Variants in RFX4 observed in about 807,000 individuals in gnomAD.
RFX4 encodes transcription factor RFX4.
RFX4 carries 10 observed loss-of-function variants against 95.0 expected under a neutral mutation model. The observed-to-expected ratio is 0.11, with a 90% CI of 0.06 to 0.18. The LOEUF (loss-of-function observed/expected upper bound fraction) is 0.18. RFX4 is among the 10% of genes least tolerant of loss of function. The pLI, the probability that RFX4 is intolerant of heterozygous loss-of-function variation, is 1.00. For missense variants in RFX4, 640 were observed against 922.0 expected (o/e 0.69, Z 3.96); for synonymous variants, 321 against 340.7 (o/e 0.94, Z 0.64).
At chr12:106,652,416 G>C in intron 3 of RFX4, among the ~76,000 whole-genome samples, 1 of 152,152 alleles carries the variant, frequency 6.6e-6, no homozygotes, top group Middle Eastern at 3.2e-3. Context: ...ATAAATGACT[G>C]AAATAATCTA....
At chr12:106,652,979 C>T (rs2040884292) in intron 3 of RFX4, among the ~76,000 whole-genome samples, 1 of 152,156 alleles carries the variant, frequency 6.6e-6, no homozygotes. Context: ...CTTTATCCCC[C>T]AAACTTGCTT....
chr12:106,641,515 T>C (rs1293415978), intron 3 of RFX4, among the ~76,000 whole-genome samples: 1 of 152,232 alleles, frequency 6.6e-6, no homozygotes, highest in East Asian at 1.9e-4. Context: ...GTCTCCTCCC[T>C]GGCATAGGCA....
At chr12:106,583,412 A>G (rs1334994539) in intron 1 of RFX4, 49 bp downstream of exon 1, 5 of 1,499,310 alleles carry the variant, frequency 3.3e-6, no homozygotes, top group Non-Finnish European at 4.5e-6. Context: ...GGGAAGGAGA[A>G]GGGAGAGGGG....
intron 4 of RFX4, among the ~76,000 whole-genome samples, chr12:106,676,441 G>A (rs1253636901): frequency 1.3e-5 from 2 of 152,248 alleles, no homozygotes; most frequent in Non-Finnish European, 2.9e-5. Flanking sequence ...TAAGTCAGGT[G>A]ACCGTGGAGA....
intron 10 of RFX4, among the ~76,000 whole-genome samples, chr12:106,712,429 C>T (rs1030219181): frequency 6.6e-6 from 1 of 152,174 alleles, no homozygotes; most frequent in Non-Finnish European, 1.5e-5. Context: ...CACCTCACTC[C>T]TGAATGTCAC....
At chr12:106,688,457 G>A (rs187858204) in intron 6 of RFX4, among the ~76,000 whole-genome samples, 1 of 152,242 alleles carries the variant, frequency 6.6e-6, no homozygotes, top group East Asian at 1.9e-4. Flanking sequence ...GTCACACTAG[G>A]ATCTGGGATG....
intron 3 of RFX4, among the ~76,000 whole-genome samples, chr12:106,653,964 T>C (rs1403887131): frequency 1.3e-5 from 2 of 152,158 alleles, no homozygotes; most frequent in African/African-American, 2.4e-5. Flanking sequence ...TCAATGACAG[T>C]ACAGAGTAGA....
In RFX4 at chr12:106,601,123, G is replaced by A. The variant is rs1460647198; in HGVS notation, c.44-7674G>A. 8.4e-6 allele frequency: 12 copies of A among 1,427,746 alleles called. No individual in the cohort carries two copies. In the East Asian group the frequency reaches 1.0e-4, roughly 12 times the overall value. The allele number at this position is 1,427,746 out of a possible 1,614,324, so 88.4% of individuals were successfully genotyped here. A position where few individuals can be genotyped will look rare whatever the true frequency, so the allele number is the denominator to read the frequency against. ...TTCCTGGAACCCAGCAGCCCCTGGGGCAGGACCTGTGGCGTTGCCATGGCA... is the reference window on the plus strand; with the variant it reads ...TTCCTGGAACCCAGCAGCCCCTGGGACAGGACCTGTGGCGTTGCCATGGCA... On this transcript the variant is annotated intron_variant, in intron 1 of 17. Transcript: ENST00000392842.
chr12:106,679,478 A>C (rs1375198874), intron 4 of RFX4, among the ~76,000 whole-genome samples: 1 of 151,930 alleles, frequency 6.6e-6, no homozygotes, highest in African/African-American at 2.4e-5. Context: ...AAAAAAAACC[A>C]AAAACCACAA....
intron 4 of RFX4, among the ~76,000 whole-genome samples, chr12:106,657,167 A>T (rs903708000): frequency 6.6e-6 from 1 of 152,238 alleles, no homozygotes; most frequent in African/African-American, 2.4e-5. Flanking sequence ...TTGTTCTGTG[A>T]AACTTTGAGA....
In RFX4 at chr12:106,732,204, C is replaced by T. The variant is rs141730038; in HGVS notation, c.1426C>T (p.Arg476Trp). The change falls in exon 14 of 18, where the codon CGG becomes TGG. Residue 476 changes from arginine (R) to tryptophan (W), a missense_variant. By Grantham distance (101) the Arg-to-Trp change is moderately radical (BLOSUM62 -3). Transcript: ENST00000392842. The part of the protein sequence containing the change: ...YLLESLHCQE[R>W]ANELMRAMKG... ...GTTAGAATCTCTGCACTGTCAGGAG[C>T]GGGCCAATGAGCTCATGCGAGCCAT... 229 of 1,613,796 alleles carry T rather than the reference C, an allele frequency of 1.4e-4. 1 individual carries two copies. Among genetic ancestry groups the T allele is most frequent in the African/African-American group, 1.1e-3 (80 of 74,996 alleles).
intron 4 of RFX4, among the ~76,000 whole-genome samples, chr12:106,677,201 T>C (rs1251887956): frequency 6.6e-6 from 1 of 152,170 alleles, no homozygotes; most frequent in Non-Finnish European, 1.5e-5. Flanking sequence ...TACCACTGTT[T>C]CCCAATTCAC....
At chr12:106,641,084 A>G (rs1340494172) in intron 3 of RFX4, among the ~76,000 whole-genome samples, 1 of 152,178 alleles carries the variant, frequency 6.6e-6, no homozygotes, top group Non-Finnish European at 1.5e-5. Flanking sequence ...CCTGGCCAAC[A>G]AACATTCTTG....
intron 1 of RFX4, 195 bp downstream of exon 1, chr12:106,583,558 G>A (rs76628783): frequency 5.9e-4 from 283 of 479,410 alleles, no homozygotes; most frequent in Non-Finnish European, 9.2e-4. Context: ...ATGTGTATAA[G>A]CGTGTGATTG....
chr12:106,642,472 T>A (rs1194478001), intron 3 of RFX4, among the ~76,000 whole-genome samples: 1 of 151,850 alleles, frequency 6.6e-6, no homozygotes, highest in African/African-American at 2.4e-5. Flanking sequence ...AAAACTTAGC[T>A]GGGCATGGTG....
At chr12:106,750,859 A>T (rs2042987982) in intron 17 of RFX4, 66 bp downstream of exon 17, 2 of 1,430,466 alleles carry the variant, frequency 1.4e-6, no homozygotes, top group Admixed American at 5.0e-5. Context: ...TGGTTAACAC[A>T]GTTCATAAAC....
chr12:106,628,170 G>A (rs933247559), intron 2 of RFX4, among the ~76,000 whole-genome samples: 9 of 152,178 alleles, frequency 5.9e-5, no homozygotes, highest in African/African-American at 2.2e-4. Flanking sequence ...CGCAGTGTCA[G>A]TCTATCTGTC....
intron 1 of RFX4, among the ~76,000 whole-genome samples, chr12:106,603,042 C>G (rs894394321): frequency 1.3e-5 from 2 of 152,220 alleles, no homozygotes; most frequent in African/African-American, 4.8e-5. Context: ...TGTTGAATAG[C>G]TTTTGTTCAT....
At chr12:106,631,089 A>G (rs978422830) in intron 2 of RFX4, among the ~76,000 whole-genome samples, 1 of 152,224 alleles carries the variant, frequency 6.6e-6, no homozygotes, top group Non-Finnish European at 1.5e-5. Flanking sequence ...TTAAGCACTA[A>G]GGCACTGCAT....
Sources: allele counts gnomAD v4.1 joint callset (sites outside exome capture counted in the v4.1 genomes callset), GRCh38; gene constraint gnomAD v4.1.1; transcripts MANE v1.5; gene names NCBI Gene and HGNC (gene_info 2026-07-23, HGNC 2026-07-21).